The following ETV1 variants were observed in gnomAD, a reference collection of about 807,000 sequenced individuals.
The protein encoded by ETV1 is ETS variant transcription factor 1.
Under a neutral mutation model 62.3 loss-of-function variants are expected in ETV1, and 27 were observed. The ratio of observed to expected loss-of-function variants is 0.43; its 90% CI spans 0.32 to 0.60. The LOEUF (loss-of-function observed/expected upper bound fraction) is 0.60. Ranked by LOEUF, ETV1 falls within the 20% of genes least tolerant of loss-of-function variation. The pLI is 0.06. For synonymous variants in ETV1, 222 were observed against 199.6 expected, an observed-to-expected ratio of 1.11 and a Z score of -0.94; for missense variants, 605 against 605.8, an observed-to-expected ratio of 1.00 and a Z score of 0.01.
At chr7:13,918,015 C>T (rs1784383356) in intron 9 of ETV1, among the ~76,000 whole-genome samples, 1 of 151,886 alleles carries the variant, frequency 6.6e-6, no homozygotes, top group African/African-American at 2.4e-5. Flanking sequence ...CCATTAGCTG[C>T]CAAAATGGGC....
intron 11 of ETV1, among the ~76,000 whole-genome samples, chr7:13,908,696 C>T (rs1014613199): frequency 2.0e-5 from 3 of 152,006 alleles, no homozygotes; most frequent in South Asian, 2.1e-4. Flanking sequence ...GCACAAAGCT[C>T]GGGAACATGG....
At chr7:13,968,629 A>C (rs1206421288) in intron 6 of ETV1, among the ~76,000 whole-genome samples, 1 of 151,866 alleles carries the variant, frequency 6.6e-6, no homozygotes, top group Non-Finnish European at 1.5e-5. Context: ...AGTGTCCTTC[A>C]TAGCAAATTC....
intron 9 of ETV1, among the ~76,000 whole-genome samples, chr7:13,918,857 TA>T (rs1234824034): frequency 8.4e-6 from 1 of 119,296 alleles, no homozygotes; most frequent in African/African-American, 3.5e-5. Context: ...ACATGTACCC[TA>T]AAACTTAAAG....
intron 6 of ETV1, among the ~76,000 whole-genome samples, chr7:13,971,992 A>G (rs1780951982): frequency 6.6e-6 from 1 of 152,068 alleles, no homozygotes; most frequent in African/African-American, 2.4e-5. Context: ...CATGCCTGTA[A>G]TCCCAGCTAC....
chr7:13,974,284 G>A (rs1164592700), intron 6 of ETV1, among the ~76,000 whole-genome samples: 3 of 152,136 alleles, frequency 2.0e-5, no homozygotes, highest in Non-Finnish European at 4.4e-5. Flanking sequence ...AGCTCAATCT[G>A]CCCAGATAAC....
At chr7:13,911,759 C>T (rs1473962635) in intron 9 of ETV1, among the ~76,000 whole-genome samples, 1 of 152,150 alleles carries the variant, frequency 6.6e-6, no homozygotes, top group Non-Finnish European at 1.5e-5. Context: ...TTTTATTATG[C>T]TATTATACTA....
chr7:13,961,640 C>T (rs1036479212), intron 6 of ETV1, among the ~76,000 whole-genome samples: 2 of 151,704 alleles, frequency 1.3e-5, no homozygotes, highest in African/African-American at 4.8e-5. Context: ...TAAAAAAAAA[C>T]ATTGAGGATA....
chr7:13,917,766 C>T (rs888076408), intron 9 of ETV1, among the ~76,000 whole-genome samples: 5 of 151,918 alleles, frequency 3.3e-5, no homozygotes, highest in Admixed American at 6.6e-5. Context: ...AGATCGAGAC[C>T]ATCCTGGCTA....
intron 9 of ETV1, among the ~76,000 whole-genome samples, chr7:13,926,140 C>T (rs900407422): frequency 6.6e-5 from 10 of 152,010 alleles, no homozygotes; most frequent in Admixed American, 2.6e-4. Context: ...CTTACTTTAC[C>T]GTTCACCTAT....
rs147813220 is a variant in ETV1, at chr7:13,975,357, C to T, written c.235+2070G>A. On this transcript the variant is annotated intron_variant, in intron 6 of 13. Transcript: ENST00000430479. ...GTCAGGAGATCGAGACCATCCTGGC[C>T]AACACAGTGAAACCCCAACTCTACT... Among the ~76,000 whole-genome samples, 479 of 151,936 alleles carry T rather than the reference C, an allele frequency of 3.2e-3. 1 individual carries two copies. The highest frequency in any genetic ancestry group is 9.6e-3 in the African/African-American group (398 of 41,480).
intron 9 of ETV1, among the ~76,000 whole-genome samples, chr7:13,914,967 T>C (rs1783991871): frequency 6.6e-6 from 1 of 152,206 alleles, no homozygotes; most frequent in Non-Finnish European, 1.5e-5. Flanking sequence ...AATTATAACA[T>C]ATTATAACCT....
At chr7:13,920,247 TTC>T (rs1392750035) in intron 9 of ETV1, among the ~76,000 whole-genome samples, 1 of 152,216 alleles carries the variant, frequency 6.6e-6, no homozygotes, top group African/African-American at 2.4e-5. Context: ...CTGTTTATGT[TTC>T]TGATTTGAGA....
upstream of ETV1, chr7:13,989,801 T>A (rs1461023728): frequency 2.6e-6 from 1 of 391,564 alleles, no homozygotes; most frequent in East Asian, 3.6e-5. Flanking sequence ...TCAGGCGGCT[T>A]GCTGCCCCTT....
intron 6 of ETV1, among the ~76,000 whole-genome samples, chr7:13,950,558 T>C (rs1290355716): frequency 6.6e-6 from 1 of 152,188 alleles, no homozygotes; most frequent in African/African-American, 2.4e-5. Context: ...GGCCTTCGGA[T>C]GAATGCTGCA....
rs75825927 is a variant in ETV1 at position 13,971,413 on chromosome 7, T to G, written c.235+6014A>C. Among the ~76,000 whole-genome samples, 1,074 of 152,362 alleles carry G rather than the reference T, an allele frequency of 7.0e-3. 49 individuals are homozygous for G. The East Asian group carries it at 0.13, about 18-fold the overall frequency. ...CACAAGGGTCTGTCTGGATGATTTT[T>G]GTATGGTCCTCTAGTATTGTATTAC... On this transcript the variant is annotated intron_variant, in intron 6 of 13. Transcript: ENST00000430479.
chr7:13,976,375 G>A (rs1486266869), intron 6 of ETV1, among the ~76,000 whole-genome samples: 1 of 152,132 alleles, frequency 6.6e-6, no homozygotes, highest in African/African-American at 2.4e-5. Context: ...TTTGTGGTAT[G>A]TATATTTTAC....
chr7:13,976,821 G>C (rs985672927), intron 6 of ETV1, among the ~76,000 whole-genome samples: 2 of 152,158 alleles, frequency 1.3e-5, no homozygotes, highest in Non-Finnish European at 2.9e-5. Context: ...AGACCCAGGA[G>C]CAAGGCTTAG....
Position 13,891,694 on chromosome 7 carries a change from T to C in ETV1, c.*4172A>G, listed in dbSNP as rs961574276. On this transcript the variant is annotated 3_prime_UTR_variant, in exon 14 of 14. Coordinates refer to ENST00000430479, the MANE Select transcript of ETV1 (RefSeq NM_004956.5). Reference sequence around the variant, plus strand: ...CTAGTATCATGCCCAACTATTACCATCTTTTTGAAACTTGATTTTTCCAAT... The same window carrying C: ...CTAGTATCATGCCCAACTATTACCACCTTTTTGAAACTTGATTTTTCCAAT... 2 of 231,954 alleles carry C rather than the reference T, an allele frequency of 8.6e-6. No homozygotes were observed. The highest frequency in any genetic ancestry group is 1.7e-5 in the Non-Finnish European group (2 of 117,370). 14.4% of individuals were successfully genotyped at this position (231,954 alleles called of 1,614,324 possible).
At chr7:13,908,324 T>C (rs776584267) in intron 11 of ETV1, among the ~76,000 whole-genome samples, 26 of 152,292 alleles carry the variant, frequency 1.7e-4, no homozygotes, top group Middle Eastern at 3.4e-3. Flanking sequence ...ATTCTGTCCA[T>C]AATTTTGAGA....
Sources: gnomAD v4.1 joint callset for allele counts (sites outside exome capture counted in the v4.1 genomes callset) on GRCh38, gnomAD v4.1.1 for gene constraint, MANE v1.5 for transcripts, NCBI Gene and HGNC (gene_info 2026-07-23, HGNC 2026-07-21) for gene names.